Variants in SMURF1 observed in about 807,000 individuals in gnomAD.
SMURF1 encodes the protein SMAD specific E3 ubiquitin protein ligase 1, also known as E3 ubiquitin-protein ligase SMURF1.
In SMURF1, 44 loss-of-function variants were observed where a neutral mutation model predicts 98.0. The observed-to-expected ratio is 0.45, with a 90% CI of 0.35 to 0.58. The LOEUF (loss-of-function observed/expected upper bound fraction) is 0.58. SMURF1 is among the 20% of genes least tolerant of loss of function. The pLI, the probability that SMURF1 is intolerant of heterozygous loss-of-function variation, is 0.00. For missense variants in SMURF1, 687 were observed against 938.4 expected, an observed-to-expected ratio of 0.73 and a Z score of 3.50; for synonymous variants, 396 against 374.9, an observed-to-expected ratio of 1.06 and a Z score of -0.65.
intron 1 of SMURF1, among the ~76,000 whole-genome samples, chr7:99,075,317 T>C (rs1796427244): frequency 6.6e-6 from 1 of 152,144 alleles, no homozygotes; most frequent in African/African-American, 2.4e-5. Flanking sequence ...AGCTGGAATC[T>C]CAGTCTGTTG....
chr7:99,060,311 G>A (rs1795998979), intron 3 of SMURF1, among the ~76,000 whole-genome samples: 1 of 150,860 alleles, frequency 6.6e-6, no homozygotes, highest in Admixed American at 6.6e-5. Context: ...CCCGGGAGGC[G>A]GAGGTTGCAG....
Position 99,040,289 on chromosome 7 carries a change from ACACACG to A in SMURF1, c.1550+83_1550+88del, listed in dbSNP as rs1160388234. 111 of 1,260,852 alleles carry A rather than the reference ACACACG, an allele frequency of 8.8e-5. No homozygotes were observed. The African/African-American group carries it at 2.1e-3, about 24-fold the overall frequency. The allele number at this position is 1,260,852 out of a possible 1,614,324, so 78.1% of individuals were successfully genotyped here. On this transcript the variant is annotated intron_variant, in intron 13 of 17. Coordinates refer to ENST00000361368, the MANE Select transcript of SMURF1 (RefSeq NM_181349.3). ...CTTCACACACATCCCCAAAATACACACACACGCGCGCGCGCGCGCACGCGCATACAT... is the reference window on the plus strand; with the variant it reads ...CTTCACACACATCCCCAAAATACACACGCGCGCGCGCGCACGCGCATACAT...
At chr7:99,071,982 GGGA>G (rs1413931223) in intron 1 of SMURF1, among the ~76,000 whole-genome samples, 11 of 152,152 alleles carry the variant, frequency 7.2e-5, no homozygotes. Context: ...AGGAGGCTGA[GGGA>G]GGAGAACTGC....
intron 17 of SMURF1, 57 bp from the exon 18 acceptor site, chr7:99,030,740 C>T: frequency 7.3e-7 from 1 of 1,366,380 alleles, no homozygotes; most frequent in South Asian, 1.2e-5. Flanking sequence ...GGACCAACCT[C>T]AAGGCCAAGG....
chr7:99,087,024 A>C (rs1407876628), intron 1 of SMURF1, among the ~76,000 whole-genome samples: 1 of 152,154 alleles, frequency 6.6e-6, no homozygotes, highest in Non-Finnish European at 1.5e-5. Flanking sequence ...GGAAAATACT[A>C]AATTATGCAC....
chr7:99,085,502 A>G (rs1358647479), intron 1 of SMURF1, among the ~76,000 whole-genome samples: 3 of 152,170 alleles, frequency 2.0e-5, no homozygotes, highest in Non-Finnish European at 4.4e-5. Flanking sequence ...AGTCTCAGGT[A>G]TTTCTTTAGA....
chr7:99,133,391 AG>A (rs1337174372), intron 1 of SMURF1, among the ~76,000 whole-genome samples: 3 of 151,986 alleles, frequency 2.0e-5, no homozygotes, highest in Non-Finnish European at 4.4e-5. Flanking sequence ...AAATTAAAAA[AG>A]AAAAAAAAAA....
At chr7:99,037,039 G>T (rs1795172986) in intron 15 of SMURF1, 28 bp downstream of exon 15, 1 of 1,612,848 alleles carries the variant, frequency 6.2e-7, no homozygotes, top group East Asian at 2.2e-5. Context: ...GGGACGCCCT[G>T]GGTCGACTCC....
At chr7:99,040,215 C>T (rs1379116295) in intron 13 of SMURF1, among the ~76,000 whole-genome samples, 163 bp downstream of exon 13, 1 of 141,488 alleles carries the variant, frequency 7.1e-6, no homozygotes, top group Admixed American at 6.7e-5. Context: ...CTGCCCGCCT[C>T]CGCCTTCCAA....
In SMURF1 at chr7:99,046,261, A is replaced by C. The variant is rs562458607; in HGVS notation, c.1153-460T>G. Among the ~76,000 whole-genome samples the C allele has an allele frequency of 2.4e-3, 362 of 152,276 alleles. 1 individual carries two copies. The highest frequency in any genetic ancestry group is 8.3e-3 in the African/African-American group (345 of 41,548). ...ATTTCCCACTGAGTCAAAAGGCAAAAAGATTTTAAGTAAGACATAAGGTGG... is the reference window on the plus strand; with the variant it reads ...ATTTCCCACTGAGTCAAAAGGCAAACAGATTTTAAGTAAGACATAAGGTGG... On this transcript the variant is annotated intron_variant, in intron 10 of 17. Coordinates refer to ENST00000361368, the MANE Select transcript of SMURF1 (RefSeq NM_181349.3).
chr7:99,045,873 T>C (rs1451108295), intron 10 of SMURF1, 72 bp from the exon 11 acceptor site: 3 of 1,198,500 alleles, frequency 2.5e-6, no homozygotes, highest in Middle Eastern at 1.9e-4. Context: ...TCATTGATAA[T>C]GGAGCCCGGT....
At chr7:99,074,240 G>C (rs999321452) in intron 1 of SMURF1, among the ~76,000 whole-genome samples, 8 of 152,320 alleles carry the variant, frequency 5.3e-5, no homozygotes, top group Non-Finnish European at 1.2e-4. Flanking sequence ...TGGGGAACTG[G>C]CCATGCTCTA....
chr7:99,100,312 C>T (rs1189635192), intron 1 of SMURF1, among the ~76,000 whole-genome samples: 7 of 152,194 alleles, frequency 4.6e-5, no homozygotes, highest in African/African-American at 1.7e-4. Flanking sequence ...CCTAGTACTT[C>T]GGGAGGCCGA....
intron 1 of SMURF1, among the ~76,000 whole-genome samples, chr7:99,086,272 G>A (rs1796676334): frequency 6.6e-6 from 1 of 151,966 alleles, no homozygotes; most frequent in Non-Finnish European, 1.5e-5. Flanking sequence ...CTTGAACCTG[G>A]GAGACGGAAG....
intron 6 of SMURF1, among the ~76,000 whole-genome samples, chr7:99,054,121 T>G (rs1241083945): frequency 6.6e-6 from 1 of 151,974 alleles, no homozygotes; most frequent in Non-Finnish European, 1.5e-5. Context: ...TATTTTTTGG[T>G]AGAGACAAAG....
chr7:99,127,347 A>T (rs1797768591), intron 1 of SMURF1, among the ~76,000 whole-genome samples: 1 of 152,108 alleles, frequency 6.6e-6, no homozygotes, highest in Non-Finnish European at 1.5e-5. Context: ...GGAGTGAGAA[A>T]AGGAAGAGGC....
In SMURF1 at chr7:99,047,675, ACT is replaced by A. The variant is rs749433142; in HGVS notation, c.1152+7_1152+8del. 36 of 1,613,922 alleles carry A rather than the reference ACT, an allele frequency of 2.2e-5. No individual in the cohort carries two copies. The highest frequency in any genetic ancestry group is 2.8e-5 in the Non-Finnish European group (33 of 1,179,954). On this transcript the variant is annotated splice_region_variant and intron_variant, in intron 10 of 17. Coordinates refer to ENST00000361368, the MANE Select transcript of SMURF1 (RefSeq NM_181349.3). ...AACAGGGTCTGGGCAGTGGCCCTGA[ACT>A]CTCTACCTCAAAGATTTCTTCTCTG...
At position 99,040,313 on chromosome 7, in the gene SMURF1, G is replaced by A. The variant is rs548762860; in HGVS notation, c.1550+65C>T. ...CACACACGCGCGCGCGCGCGCACGCGCATACATACGATAGACGTGGTGGTG... is the reference window on the plus strand; with the variant it reads ...CACACACGCGCGCGCGCGCGCACGCACATACATACGATAGACGTGGTGGTG... On this transcript the variant is annotated intron_variant, in intron 13 of 17. Coordinates refer to ENST00000361368, the MANE Select transcript of SMURF1 (RefSeq NM_181349.3). 2.3e-4 allele frequency: 315 copies of A among 1,381,934 alleles called. No homozygotes were observed. In the Middle Eastern group the frequency reaches 2.9e-3, roughly 13 times the overall value. The allele number at this position is 1,381,934 out of a possible 1,614,324, so 85.6% of individuals were successfully genotyped here.
chr7:99,057,595 TTTTTG>T (rs755022817), intron 3 of SMURF1, 44 bp from the exon 4 acceptor site: 17 of 1,433,886 alleles, frequency 1.2e-5, no homozygotes, highest in Non-Finnish European at 1.3e-5. Context: ...TGTTTGGTTT[TTTTTG>T]TTTTGTTTTT....
Sources: allele counts gnomAD v4.1 joint callset (sites outside exome capture counted in the v4.1 genomes callset), GRCh38; gene constraint gnomAD v4.1.1; transcripts MANE v1.5; gene names NCBI Gene and HGNC (gene_info 2026-07-23, HGNC 2026-07-21).